CCNY: variants seen among roughly 807,000 people sequenced by gnomAD.
CCNY encodes the protein cyclin Y.
CCNY carries 19 observed loss-of-function variants against 42.8 expected under a neutral mutation model. That is an observed-to-expected ratio of 0.44 (90% CI 0.31 to 0.65). The LOEUF (loss-of-function observed/expected upper bound fraction) is 0.65, where lower values mean the gene tolerates loss of function less well. Among genes scored for constraint, CCNY ranks in the 30% least tolerant of loss-of-function variants. CCNY has a pLI of 0.07. For missense variants in CCNY, 370 were observed against 437.3 expected (o/e 0.85, Z 1.37); for synonymous variants, 165 against 162.7 (o/e 1.01, Z -0.11).
At chr10:35,407,253 A>G (rs1454375668) in intron 1 of CCNY, among the ~76,000 whole-genome samples, 1 of 152,048 alleles carries the variant, frequency 6.6e-6, no homozygotes, top group Non-Finnish European at 1.5e-5. Flanking sequence ...TGATAGAAGG[A>G]TTATAGGGTG....
intron 8 of CCNY, among the ~76,000 whole-genome samples, chr10:35,555,632 A>G (rs974522779): frequency 2.0e-5 from 3 of 152,360 alleles, no homozygotes; most frequent in African/African-American, 7.2e-5. Context: ...TAAGATGCCC[A>G]GGTGACTTGA....
At chr10:35,340,360 T>A (rs1836149063) in intron 1 of CCNY, among the ~76,000 whole-genome samples, 1 of 152,134 alleles carries the variant, frequency 6.6e-6, no homozygotes, top group African/African-American at 2.4e-5. Flanking sequence ...CAGGATTAGA[T>A]TATTTCTGTG....
intron 1 of CCNY, among the ~76,000 whole-genome samples, chr10:35,351,049 C>A (rs1455221254): frequency 6.6e-6 from 1 of 152,176 alleles, no homozygotes; most frequent in Non-Finnish European, 1.5e-5. Context: ...CTTGCCCTGT[C>A]CATATAGCAC....
chr10:35,349,628 A>G (rs1279767440), intron 1 of CCNY, among the ~76,000 whole-genome samples: 1 of 152,202 alleles, frequency 6.6e-6, no homozygotes, highest in African/African-American at 2.4e-5. Flanking sequence ...ATTCAAGGAC[A>G]CTTTAAAGCA....
chr10:35,518,127 T>G (rs1376355266), intron 4 of CCNY, among the ~76,000 whole-genome samples: 1 of 152,218 alleles, frequency 6.6e-6, no homozygotes, highest in African/African-American at 2.4e-5. Context: ...CTCAACACTT[T>G]CATCCTTGGA....
chr10:35,493,306 G>A (rs1348153264), intron 2 of CCNY, among the ~76,000 whole-genome samples: 1 of 152,056 alleles, frequency 6.6e-6, no homozygotes, highest in Non-Finnish European at 1.5e-5. Context: ...CCCCCAGGCT[G>A]GGGGGAGTTT....
chr10:35,329,393 T>TA (rs1190676517), intron 3 of CCNY, among the ~76,000 whole-genome samples: 5 of 151,766 alleles, frequency 3.3e-5, no homozygotes, highest in Non-Finnish European at 7.4e-5. Flanking sequence ...CTACTAAAAA[T>TA]AAAAAATAAA....
chr10:35,378,165 T>C (rs1837096146), intron 1 of CCNY, among the ~76,000 whole-genome samples: 1 of 152,278 alleles, frequency 6.6e-6, no homozygotes, highest in Non-Finnish European at 1.5e-5. Flanking sequence ...TGTGTCATCA[T>C]GCTTTGTCAT....
At chr10:35,429,211 A>G (rs1402575035) in intron 1 of CCNY, among the ~76,000 whole-genome samples, 1 of 152,246 alleles carries the variant, frequency 6.6e-6, no homozygotes, top group Non-Finnish European at 1.5e-5. Flanking sequence ...ACGCTGAAGC[A>G]GACAGGGGAA....
chr10:35,261,937 C>A (rs1186767493), intron 3 of CCNY, among the ~76,000 whole-genome samples: 5 of 151,992 alleles, frequency 3.3e-5, no homozygotes, highest in Admixed American at 3.3e-4. Flanking sequence ...AAGAGAATTA[C>A]TTGAACCAGG....
chr10:35,523,582 C>G (rs1478014732), intron 4 of CCNY, among the ~76,000 whole-genome samples: 1 of 152,152 alleles, frequency 6.6e-6, no homozygotes, highest in Non-Finnish European at 1.5e-5. Context: ...TCTACTTTTC[C>G]TGGAGGTCTT....
chr10:35,334,476 A>C (rs759837365), upstream of CCNY, among the ~76,000 whole-genome samples: 2 of 152,204 alleles, frequency 1.3e-5, no homozygotes, highest in Non-Finnish European at 2.9e-5. Context: ...CAATCTGAAT[A>C]CACACATGCA....
chr10:35,483,160 A>G (rs974249847), intron 1 of CCNY, among the ~76,000 whole-genome samples: 12 of 152,132 alleles, frequency 7.9e-5, no homozygotes, highest in African/African-American at 2.4e-4. Context: ...TTTTCAGGAG[A>G]AAGTGGAGTT....
chr10:35,560,501 AC>A (rs1841445035), intron 8 of CCNY, among the ~76,000 whole-genome samples: 1 of 152,330 alleles, frequency 6.6e-6, no homozygotes, highest in African/African-American at 2.4e-5. Context: ...TCAGACAGCC[AC>A]CTGCAAGCTA....
At chr10:35,310,543 C>T (rs1420818114) in intron 3 of CCNY, among the ~76,000 whole-genome samples, 6 of 152,174 alleles carry the variant, frequency 3.9e-5, no homozygotes, top group Non-Finnish European at 7.4e-5. Flanking sequence ...TATCCCCTTT[C>T]CCTGTATCCT....
intron 1 of CCNY, among the ~76,000 whole-genome samples, chr10:35,459,633 TGTG>T (rs1839114017): frequency 6.6e-6 from 1 of 152,120 alleles, no homozygotes; most frequent in African/African-American, 2.4e-5. Context: ...AAGGAAGTAA[TGTG>T]GTAGGGGATG....
intron 3 of CCNY, among the ~76,000 whole-genome samples, chr10:35,508,219 A>G (rs2135398820): frequency 6.6e-6 from 1 of 152,132 alleles, no homozygotes. Context: ...CTTAAGAGAG[A>G]GCCTTCTCTT....
intron 1 of CCNY, among the ~76,000 whole-genome samples, chr10:35,428,528 A>G (rs1838318268): frequency 6.6e-6 from 1 of 152,186 alleles, no homozygotes; most frequent in South Asian, 2.1e-4. Context: ...TGTGTAGGCT[A>G]TATTAATAAT....
chr10:35,308,476 T>C (rs1011128314), intron 3 of CCNY, among the ~76,000 whole-genome samples: 1 of 152,088 alleles, frequency 6.6e-6, no homozygotes, highest in African/African-American at 2.4e-5. Flanking sequence ...CACTTGAGCC[T>C]GAGAGTTTGA....
Sources: gnomAD v4.1 joint callset for allele counts (sites outside exome capture counted in the v4.1 genomes callset) on GRCh38, gnomAD v4.1.1 for gene constraint, MANE v1.5 for transcripts, NCBI Gene and HGNC (gene_info 2026-07-23, HGNC 2026-07-21) for gene names.